MGMT: variants seen among roughly 807,000 people sequenced by gnomAD.
MGMT encodes O-6-methylguanine-DNA methyltransferase.
Under a neutral mutation model 15.9 loss-of-function variants are expected in MGMT, and 14 were observed. The observed-to-expected ratio is 0.88, with a 90% CI of 0.58 to 1.37. The LOEUF is 1.37. MGMT is among the 40% of genes most tolerant of loss of function. MGMT has a pLI of 0.00. For synonymous variants in MGMT, 130 were observed against 118.2 expected (o/e 1.10, Z -0.65); for missense variants, 282 against 268.1 (o/e 1.05, Z -0.36).
chr10:129,645,471 G>A lies in MGMT; in HGVS notation c.126-62424G>A, dbSNP rs146860653. Among the ~76,000 whole-genome samples the A allele has an allele frequency of 2.3e-3, 348 of 152,284 alleles. 1 individual carries two copies. The highest frequency in any genetic ancestry group is 7.9e-3 in the African/African-American group (329 of 41,556). On this transcript the variant is annotated intron_variant, in intron 2 of 4. Coordinates refer to ENST00000651593, the MANE Select transcript of MGMT (RefSeq NM_002412.5). ...CTGGCAGCCTTGGGGCCTCATCCAC[G>A]GTGAGGTTGTGTTTGGCCTCTCTTT... is the stretch of plus-strand genomic sequence containing the variant.
At chr10:129,505,040 T>TA (rs1845611683) in intron 1 of MGMT, among the ~76,000 whole-genome samples, 1 of 152,212 alleles carries the variant, frequency 6.6e-6, no homozygotes, top group Admixed American at 6.5e-5. Context: ...GTTATAGACT[T>TA]AAAATTGCAG....
chr10:129,708,973 C>T (rs567096454), intron 3 of MGMT, among the ~76,000 whole-genome samples: 37 of 152,332 alleles, frequency 2.4e-4, no homozygotes, highest in African/African-American at 8.2e-4. Context: ...AAAGAAACCC[C>T]TGAAGGTTGG....
chr10:129,700,242 G>C (rs1372392992), intron 2 of MGMT: 1 of 152,128 alleles, frequency 6.6e-6, no homozygotes, highest in Non-Finnish European at 1.5e-5. Flanking sequence ...TTTTATCTTT[G>C]CCACAGTTGC....
chr10:129,738,424 G>A (rs1331405901), intron 3 of MGMT, among the ~76,000 whole-genome samples: 2 of 152,240 alleles, frequency 1.3e-5, no homozygotes, highest in Non-Finnish European at 2.9e-5. Context: ...CGCGCACGGT[G>A]CACGCACCCA....
intron 2 of MGMT, among the ~76,000 whole-genome samples, chr10:129,583,986 G>A (rs1032895364): frequency 7.9e-5 from 12 of 152,282 alleles, no homozygotes; most frequent in African/African-American, 2.2e-4. Flanking sequence ...CTGCTCCACC[G>A]TGCACCGAAG....
chr10:129,606,459 A>G (rs1434371519), intron 2 of MGMT, among the ~76,000 whole-genome samples: 1 of 152,164 alleles, frequency 6.6e-6, no homozygotes, highest in African/African-American at 2.4e-5. Context: ...TGCAGCGGGG[A>G]GGCCCCTGAG....
chr10:129,515,506 T>G (rs1269584857), intron 1 of MGMT, among the ~76,000 whole-genome samples: 5 of 152,222 alleles, frequency 3.3e-5, no homozygotes. Context: ...ATGTTTCAGC[T>G]GGCTCTTTAA....
chr10:129,623,036 G>A (rs561607400), intron 2 of MGMT, among the ~76,000 whole-genome samples: 5 of 152,302 alleles, frequency 3.3e-5, no homozygotes, highest in Middle Eastern at 3.4e-3. Flanking sequence ...GGAGCCAGCC[G>A]GATGGCATCG....
intron 2 of MGMT, among the ~76,000 whole-genome samples, chr10:129,584,379 G>T (rs917089695): frequency 6.6e-6 from 1 of 151,948 alleles, no homozygotes; most frequent in Non-Finnish European, 1.5e-5. Flanking sequence ...CGAATCAGGA[G>T]ATTTCATATT....
intron 3 of MGMT, among the ~76,000 whole-genome samples, chr10:129,742,771 G>A (rs1228638757): frequency 6.7e-6 from 1 of 149,578 alleles, no homozygotes. Flanking sequence ...CAGGGCCGGG[G>A]CATTCAGCAG....
chr10:129,729,969 C>T (rs185013486), intron 3 of MGMT, among the ~76,000 whole-genome samples: 11 of 152,228 alleles, frequency 7.2e-5, no homozygotes, highest in Non-Finnish European at 1.5e-4. Flanking sequence ...GTCTGCTGGG[C>T]GTGGACAGTG....
intron 2 of MGMT, among the ~76,000 whole-genome samples, chr10:129,557,124 A>G (rs1012674111): frequency 2.6e-5 from 4 of 152,180 alleles, no homozygotes; most frequent in Non-Finnish European, 5.9e-5. Flanking sequence ...ATCCAAATAC[A>G]ATAACAAATT....
intron 2 of MGMT, among the ~76,000 whole-genome samples, chr10:129,608,835 C>T (rs980331332): frequency 5.3e-4 from 80 of 152,364 alleles, no homozygotes; most frequent in African/African-American, 1.8e-3. Flanking sequence ...AGGCCCCGTC[C>T]GCCTTGGCCA....
Position 129,720,265 on chromosome 10 carries a change from G to A in MGMT, c.274+12222G>A, listed in dbSNP as rs560200624. 2.0e-5 allele frequency among the ~76,000 whole-genome samples: 3 copies of A among 152,366 alleles called. No homozygotes were observed. The South Asian group carries it at 6.2e-4, about 32-fold the overall frequency. On this transcript the variant is annotated intron_variant, in intron 3 of 4. Coordinates refer to ENST00000651593, the MANE Select transcript of MGMT (RefSeq NM_002412.5). ...AAGCTCTAGGCCACAATAAATGGCT[G>A]CCTGCTGGGACTCCTGCACTCTGGG... is the stretch of plus-strand genomic sequence containing the variant.
At chr10:129,539,995 G>A (rs1447242254) in intron 2 of MGMT, among the ~76,000 whole-genome samples, 1 of 152,184 alleles carries the variant, frequency 6.6e-6, no homozygotes, top group African/African-American at 2.4e-5. Context: ...TTTTGGGAGG[G>A]TTGACATCTT....
chr10:129,575,066 C>G (rs1443629133), intron 2 of MGMT, among the ~76,000 whole-genome samples: 3 of 152,122 alleles, frequency 2.0e-5, no homozygotes, highest in Non-Finnish European at 2.9e-5. Flanking sequence ...GAAGATTAGT[C>G]TCCCACACAA....
intron 3 of MGMT, among the ~76,000 whole-genome samples, chr10:129,732,826 C>T (rs1230387490): frequency 6.9e-5 from 10 of 145,176 alleles, no homozygotes; most frequent in African/African-American, 1.5e-4. Flanking sequence ...TTTGTTCTTG[C>T]GATAGTTTAC....
At chr10:129,634,137 G>GT (rs936540101) in intron 2 of MGMT, among the ~76,000 whole-genome samples, 5 of 152,098 alleles carry the variant, frequency 3.3e-5, no homozygotes, top group African/African-American at 9.7e-5. Flanking sequence ...GATTGACAGG[G>GT]TTTTTTTCCT....
chr10:129,616,561 C>G (rs1412447898), intron 2 of MGMT, among the ~76,000 whole-genome samples: 1 of 152,202 alleles, frequency 6.6e-6, no homozygotes, highest in Non-Finnish European at 1.5e-5. Context: ...TGGATTACCT[C>G]TCTGGTGCCC....
Sources: gnomAD v4.1 joint callset for allele counts (sites outside exome capture counted in the v4.1 genomes callset) on GRCh38, gnomAD v4.1.1 for gene constraint, MANE v1.5 for transcripts, NCBI Gene and HGNC (gene_info 2026-07-23, HGNC 2026-07-21) for gene names.